The following FAM133A variants were observed in gnomAD, a reference collection of about 807,000 sequenced individuals.
FAM133A encodes family with sequence similarity 133 member A.
For synonymous variants in FAM133A, 65 were observed against 58.6 expected (o/e 1.11, Z -0.50); for missense variants, 159 against 164.4 (o/e 0.97, Z 0.18).
intron 2 of FAM133A, among the ~76,000 whole-genome samples, chrX:93,675,196 G>A (rs1291552482): frequency 9.0e-6 from 1 of 111,597 alleles, no homozygotes; most frequent in Non-Finnish European, 1.9e-5. Context: ...AATTCCAACA[G>A]TAGTAAAAAC....
chrX:93,698,890 C>T (rs1368402333), intron 3 of FAM133A, among the ~76,000 whole-genome samples: 1 of 110,947 alleles, frequency 9.0e-6, no homozygotes, highest in African/African-American at 3.3e-5. Flanking sequence ...TTATAGAATC[C>T]ACGATCTAGT....
chrX:93,697,926 C>A (rs1440373191), intron 2 of FAM133A, among the ~76,000 whole-genome samples: 1 of 111,022 alleles, frequency 9.0e-6, no homozygotes, highest in Non-Finnish European at 1.9e-5. Flanking sequence ...TAAATATTAC[C>A]CCAGTCGCTC....
chrX:93,685,045 G>A (rs771305345), intron 2 of FAM133A, among the ~76,000 whole-genome samples: 4 of 111,882 alleles, frequency 3.6e-5, no homozygotes, highest in African/African-American at 1.3e-4. Flanking sequence ...AAAAAGCATG[G>A]TATTTTCTTG....
intron 2 of FAM133A, among the ~76,000 whole-genome samples, chrX:93,686,683 C>G (rs1925550676): frequency 8.9e-6 from 1 of 112,023 alleles, no homozygotes; most frequent in African/African-American, 3.2e-5. Flanking sequence ...ATTTTTAATT[C>G]AATTACTTGC....
chrX:93,706,712 C>A (rs932666552), intron 3 of FAM133A, among the ~76,000 whole-genome samples: 3 of 111,749 alleles, frequency 2.7e-5, no homozygotes, highest in African/African-American at 9.7e-5. Context: ...CCCCAGATTT[C>A]TTTCTCTTTT....
chrX:93,676,891 A>C (rs945162196), intron 2 of FAM133A, among the ~76,000 whole-genome samples: 4 of 107,459 alleles, frequency 3.7e-5, no homozygotes, highest in Non-Finnish European at 3.9e-5. Flanking sequence ...AATTGTGTAT[A>C]CATAGGGATC....
In FAM133A at chrX:93,686,028, A is replaced by G. The variant is rs1925489933; in HGVS notation, c.-193+11276A>G. ...GGAGACTGAGGCAGAGAATCACTTGAACCTGGGAGGCGGAGGCTGCAGTGA... is the reference window on the plus strand; with the variant it reads ...GGAGACTGAGGCAGAGAATCACTTGGACCTGGGAGGCGGAGGCTGCAGTGA... On this transcript the variant is annotated intron_variant, in intron 2 of 3. Coordinates refer to ENST00000683942, the MANE Select transcript of FAM133A (RefSeq NM_001171109.2). Among the ~76,000 whole-genome samples the G allele has an allele frequency of 3.9e-5, 4 of 103,517 alleles. No homozygotes were observed. The Admixed American group carries it at 4.3e-4, about 11-fold the overall frequency. The allele number at this position is 103,517 out of a possible 115,157, so 89.9% of individuals were successfully genotyped here.
At chrX:93,705,989 T>C (rs1262384621) in intron 3 of FAM133A, among the ~76,000 whole-genome samples, 1 of 111,903 alleles carries the variant, frequency 8.9e-6, no homozygotes, top group Admixed American at 9.5e-5. Context: ...CTCTACATTC[T>C]CACCTTCAAT....
intron 2 of FAM133A, among the ~76,000 whole-genome samples, chrX:93,683,332 C>T (rs947067324): frequency 1.8e-4 from 20 of 111,041 alleles, no homozygotes; most frequent in Non-Finnish European, 1.3e-4. Context: ...ATCAGAGTAC[C>T]AGAGCTTATT....
chrX:93,697,214 T>C (rs189440825), intron 2 of FAM133A, among the ~76,000 whole-genome samples: 6,786 of 105,400 alleles, frequency 0.064, 583 homozygotes, highest in African/African-American at 0.22. Flanking sequence ...CAGGTTAATA[T>C]ATTAAAAATA....
chrX:93,709,542 G>A lies in FAM133A; in HGVS notation c.123G>A (p.Trp41Ter). ...ATCTAAATCGACCAAGACCCACCTG[G>A]GAAGAAGTAAAGAAACAATTAGAAA... ...QDYLNRPRPTWEEVKKQLENK... is the reference protein window; with the variant it reads ...QDYLNRPRPT Residue 41 changes from tryptophan to a stop codon, truncating the protein, a stop_gained, in exon 4 of 4, where the codon TGG (tryptophan) becomes TGA (stop). Coordinates refer to ENST00000683942, the MANE Select transcript of FAM133A (RefSeq NM_001171109.2). LOFTEE classifies it low-confidence loss of function (END_TRUNC). The A allele has an allele frequency of 8.3e-7, 1 of 1,207,332 alleles. No individual in the cohort carries two copies. Among genetic ancestry groups the A allele is most frequent in the Non-Finnish European group, 1.1e-6 (1 of 893,713 alleles).
chrX:93,710,733 G>A lies in FAM133A; in HGVS notation c.*567G>A, dbSNP rs753469166. 1 of 122,689 alleles carries A rather than the reference G, an allele frequency of 8.2e-6. No individual in the cohort carries two copies. The highest frequency in any genetic ancestry group is 3.3e-5 in the African/African-American group (1 of 30,635). 10.1% of individuals were successfully genotyped at this position (122,689 alleles called of 1,213,427 possible). ...TCTTACACATCCTATTTTTGCCAGA[G>A]CAGCAGCCGTCCTTTTCTTACTTTA... is the stretch of plus-strand genomic sequence containing the variant. On this transcript the variant is annotated 3_prime_UTR_variant, in exon 4 of 4. Coordinates refer to ENST00000683942, the MANE Select transcript of FAM133A (RefSeq NM_001171109.2).
chrX:93,685,255 G>A (rs946728289), intron 2 of FAM133A, among the ~76,000 whole-genome samples: 1 of 111,577 alleles, frequency 9.0e-6, no homozygotes, highest in Non-Finnish European at 1.9e-5. Context: ...AATGAAGATC[G>A]TGAGTTGGCT....
intron 3 of FAM133A, among the ~76,000 whole-genome samples, chrX:93,701,623 C>A (rs894997768): frequency 5.4e-5 from 6 of 111,428 alleles, no homozygotes; most frequent in African/African-American, 2.0e-4. Context: ...GGCTCTAGAG[C>A]AAAATCTGTT....
At chrX:93,682,905 G>A (rs1250792325) in intron 2 of FAM133A, among the ~76,000 whole-genome samples, 1 of 111,749 alleles carries the variant, frequency 8.9e-6, no homozygotes, top group Non-Finnish European at 1.9e-5. Flanking sequence ...GTGAGCCACC[G>A]CGTTCAGCCA....
intron 3 of FAM133A, among the ~76,000 whole-genome samples, chrX:93,706,124 C>A (rs1261258883): frequency 8.9e-6 from 1 of 112,338 alleles, no homozygotes; most frequent in Non-Finnish European, 1.9e-5. Context: ...CTGAACTTGA[C>A]TGATCTTCTG....
At chrX:93,706,312 C>T (rs1421599807) in intron 3 of FAM133A, among the ~76,000 whole-genome samples, 2 of 111,573 alleles carry the variant, frequency 1.8e-5, no homozygotes, top group Non-Finnish European at 3.8e-5. Context: ...GATACTGGTC[C>T]AGCTCTTACT....
chrX:93,711,392 G>C lies in FAM133A; in HGVS notation c.*1226G>C, dbSNP rs1464693975. On this transcript the variant is annotated 3_prime_UTR_variant, in exon 4 of 4. Transcript: ENST00000683942. Reference sequence around the variant, plus strand: ...TGATAATGACATCATTGATCTTCCTGTGTCCGTATTTTCCTACAATTTGGT... The same window carrying C: ...TGATAATGACATCATTGATCTTCCTCTGTCCGTATTTTCCTACAATTTGGT... 2.5e-5 allele frequency: 3 copies of C among 122,403 alleles called. No individual in the cohort carries two copies. The highest frequency in any genetic ancestry group is 9.8e-5 in the African/African-American group (3 of 30,586). 10.1% of individuals were successfully genotyped at this position (122,403 alleles called of 1,213,427 possible).
chrX:93,683,224 C>T (rs1331993838), intron 2 of FAM133A, among the ~76,000 whole-genome samples: 3 of 111,264 alleles, frequency 2.7e-5, no homozygotes, highest in Non-Finnish European at 5.7e-5. Context: ...TTTATTTAAC[C>T]CTTTCATTTC....
Sources: gnomAD v4.1 joint callset for allele counts (sites outside exome capture counted in the v4.1 genomes callset) on GRCh38, gnomAD v4.1.1 for gene constraint, MANE v1.5 for transcripts, NCBI Gene and HGNC (gene_info 2026-07-23, HGNC 2026-07-21) for gene names.